Variants in ILRUN observed in about 807,000 individuals in gnomAD.
ILRUN encodes protein ILRUN.
Under a neutral mutation model 33.8 loss-of-function variants are expected in ILRUN, and 3 were observed. The ratio of observed to expected loss-of-function variants is 0.09; its 90% confidence interval spans 0.04 to 0.23. ILRUN has a LOEUF of 0.23. ILRUN is among the 10% of genes least tolerant of loss of function. The pLI is 1.00. For synonymous variants in ILRUN, 124 were observed against 138.9 expected, an observed-to-expected ratio of 0.89 and a Z score of 0.75; for missense variants, 210 against 375.1, an observed-to-expected ratio of 0.56 and a Z score of 3.64.
chr6:34,680,394 G>A (rs994543401), intron 1 of ILRUN, among the ~76,000 whole-genome samples: 1 of 151,914 alleles, frequency 6.6e-6, no homozygotes, highest in African/African-American at 2.4e-5. Context: ...CATTATTATC[G>A]CTTATTTTTT....
Position 34,646,941 on chromosome 6 carries a change from G to T in ILRUN, c.314-143C>A. 4.3e-6 allele frequency: 3 copies of T among 694,326 alleles called. No homozygotes were observed. Among genetic ancestry groups the T allele is most frequent in the East Asian group, 2.6e-5 (1 of 37,986 alleles). 43.0% of individuals were successfully genotyped at this position (694,326 alleles called of 1,614,324 possible). On this transcript the variant is annotated intron_variant, in intron 2 of 4. Transcript: ENST00000374023. The surrounding 1 kb of genome is among the most constrained non-coding windows in gnomAD (Gnocchi z 4.9). ...ACCACATATACCTAAGCCATATATT[G>T]TCTCACACAACTGATCAAAAGGAAT...
At chr6:34,672,239 G>A (rs552963599) in intron 1 of ILRUN, among the ~76,000 whole-genome samples, 11 of 152,132 alleles carry the variant, frequency 7.2e-5, no homozygotes, top group African/African-American at 2.6e-4. Flanking sequence ...AACTACAGGT[G>A]TGCACCACCA....
intron 4 of ILRUN, among the ~76,000 whole-genome samples, chr6:34,602,004 G>T (rs1412200189): frequency 6.6e-6 from 1 of 152,118 alleles, no homozygotes; most frequent in Non-Finnish European, 1.5e-5. Context: ...TCCCCACAAA[G>T]ATAATAATAA....
intron 1 of ILRUN, among the ~76,000 whole-genome samples, chr6:34,667,919 A>G (rs1018895133): frequency 1.3e-5 from 2 of 152,194 alleles, no homozygotes; most frequent in African/African-American, 4.8e-5. Context: ...AAAAAAAGGA[A>G]GGTTGTAAAG....
intron 3 of ILRUN, chr6:34,616,652 G>T (rs781101204): frequency 7.1e-7 from 1 of 1,411,980 alleles, no homozygotes; most frequent in Admixed American, 1.7e-5. Context: ...TGCCCAAAAG[G>T]TGCTTTGAAA....
chr6:34,639,768 T>C (rs1006161888), intron 3 of ILRUN, among the ~76,000 whole-genome samples: 11 of 152,188 alleles, frequency 7.2e-5, no homozygotes, highest in Non-Finnish European at 1.0e-4. Context: ...GCCAAAGTAA[T>C]GACAAAGATA....
chr6:34,613,269 A>T (rs527260994), intron 3 of ILRUN, among the ~76,000 whole-genome samples: 1 of 152,288 alleles, frequency 6.6e-6, no homozygotes, highest in East Asian at 1.9e-4. Flanking sequence ...CCAATCAAAC[A>T]AATTTTTAGA....
chr6:34,682,251 GTTTTTTTTTTT>G (rs66948142), intron 1 of ILRUN, among the ~76,000 whole-genome samples: 1,122 of 51,046 alleles, frequency 0.022, 14 homozygotes, highest in Middle Eastern at 0.1. Flanking sequence ...TGCAACCTCT[GTTTTTTTTTTT>G]TTTTTTTTTT....
At chr6:34,594,558 C>T (rs2127307706) in intron 4 of ILRUN, among the ~76,000 whole-genome samples, 1 of 152,330 alleles carries the variant, frequency 6.6e-6, no homozygotes, top group Middle Eastern at 3.4e-3. Context: ...GGATATGAAA[C>T]TGTTCAGGTC....
Position 34,682,251 on chromosome 6 carries a change from GTTTTTTTT to G in ILRUN, c.158+14187_158+14194del, listed in dbSNP as rs66948142. 7.4e-4 allele frequency among the ~76,000 whole-genome samples: 38 copies of G among 51,048 alleles called. No individual in the cohort carries two copies. The East Asian group carries it at 0.023, about 30-fold the overall frequency. The allele number at this position is 51,048 out of a possible 152,430, so 33.5% of individuals were successfully genotyped here. ...GCAATCTCAGCTCCCTGCAACCTCT[GTTTTTTTT>G]TTTTTTTTTTTTTTTTTTGAGACAG... is the stretch of plus-strand genomic sequence containing the variant. On this transcript the variant is annotated intron_variant, in intron 1 of 4. Transcript: ENST00000374023.
At chr6:34,613,398 A>T (rs1021597711) in intron 3 of ILRUN, among the ~76,000 whole-genome samples, 6 of 152,252 alleles carry the variant, frequency 3.9e-5, no homozygotes, top group Non-Finnish European at 7.3e-5. Flanking sequence ...ATGTCTGCAT[A>T]CATGTAAAAG....
chr6:34,614,501 TTTTA>T (rs1340069231), intron 3 of ILRUN, among the ~76,000 whole-genome samples: 1 of 98,170 alleles, frequency 1.0e-5, no homozygotes, highest in Non-Finnish European at 2.2e-5. Flanking sequence ...ATATATTATA[TTTTA>T]TATATATATA....
At chr6:34,593,031 T>C (rs1369155728) in intron 4 of ILRUN, among the ~76,000 whole-genome samples, 1 of 151,898 alleles carries the variant, frequency 6.6e-6, no homozygotes, top group Non-Finnish European at 1.5e-5. Flanking sequence ...TTTTTTTAAT[T>C]AGTTGGACAT....
rs145519176 is a variant in ILRUN at position 34,631,132 on chromosome 6, A to G, written c.511+15469T>C. 6.3e-3 allele frequency among the ~76,000 whole-genome samples: 960 copies of G among 152,298 alleles called. 13 individuals carry two copies. Among genetic ancestry groups the G allele is most frequent in the African/African-American group, 0.022 (914 of 41,550 alleles). On this transcript the variant is annotated intron_variant, in intron 3 of 4. Coordinates refer to ENST00000374023, the MANE Select transcript of ILRUN (RefSeq NM_024294.4). The stretch of plus-strand genomic sequence containing the variant: ...GCCTGCCAAAACTGATTCTGATGCT[A>G]TTCAATTTCTCCAAACTGTGTTTCT...
chr6:34,629,057 T>C (rs1015722214), intron 3 of ILRUN, among the ~76,000 whole-genome samples: 4 of 152,166 alleles, frequency 2.6e-5, no homozygotes, highest in Non-Finnish European at 2.9e-5. Context: ...TGCAGTGACC[T>C]GAGATCACTG....
At chr6:34,626,473 G>A (rs1377087742) in intron 3 of ILRUN, among the ~76,000 whole-genome samples, 5 of 152,136 alleles carry the variant, frequency 3.3e-5, no homozygotes, top group Admixed American at 2.0e-4. Flanking sequence ...CGCTTTGCCC[G>A]ATCGTATTTT....
At chr6:34,686,990 C>CTGAGG (rs1229706973) in intron 1 of ILRUN, 6 of 185,696 alleles carry the variant, frequency 3.2e-5, no homozygotes, top group Non-Finnish European at 6.9e-5. Flanking sequence ...GAAGATTGTG[C>CTGAGG]TGAGGCTAGA....
chr6:34,596,021 G>T, intron 4 of ILRUN: 1 of 790,838 alleles, frequency 1.3e-6, no homozygotes, highest in Non-Finnish European at 1.5e-6. Flanking sequence ...AACATTGTGT[G>T]GTGAGGCCCT....
At chr6:34,690,602 A>G (rs1763626760) in intron 1 of ILRUN, among the ~76,000 whole-genome samples, 1 of 152,170 alleles carries the variant, frequency 6.6e-6, no homozygotes, top group South Asian at 2.1e-4. Flanking sequence ...AAAGCCAATT[A>G]GACTACATTA....
Sources: allele counts gnomAD v4.1 joint callset (sites outside exome capture counted in the v4.1 genomes callset), GRCh38; gene constraint gnomAD v4.1.1; non-coding constraint Gnocchi (gnomAD v3.1); transcripts MANE v1.5; gene names NCBI Gene and HGNC (gene_info 2026-07-23, HGNC 2026-07-21).